The following STAG1 variants were observed in gnomAD, a reference collection of about 807,000 sequenced individuals.
STAG1 encodes the protein STAG1 cohesin complex component, also known as cohesin subunit SA-1.
Under a neutral mutation model 170.9 loss-of-function variants are expected in STAG1, and 26 were observed. The observed-to-expected ratio is 0.15, with a 90% CI of 0.11 to 0.21. The LOEUF (loss-of-function observed/expected upper bound fraction) is 0.21, where lower values mean the gene tolerates loss of function less well. STAG1 is among the 10% of genes least tolerant of loss of function. The pLI is 1.00. For missense variants in STAG1, 964 were observed against 1,509.5 expected, an observed-to-expected ratio of 0.64 and a Z score of 5.99; for synonymous variants, 514 against 497.7, an observed-to-expected ratio of 1.03 and a Z score of -0.44.
chr3:136,684,733 G>A (rs773672568), intron 1 of STAG1, among the ~76,000 whole-genome samples: 2 of 138,190 alleles, frequency 1.4e-5, no homozygotes, highest in South Asian at 2.2e-4. Context: ...CCAAGATCAC[G>A]ACACTGTACT....
chr3:136,495,140 G>C (rs1933012434), intron 9 of STAG1, among the ~76,000 whole-genome samples: 1 of 152,140 alleles, frequency 6.6e-6, no homozygotes, highest in Admixed American at 6.6e-5. Context: ...ATAAAACCTT[G>C]TGTTTATGGT....
At chr3:136,438,270 C>T (rs1163239073) in intron 15 of STAG1, among the ~76,000 whole-genome samples, 1 of 129,114 alleles carries the variant, frequency 7.7e-6, no homozygotes, top group East Asian at 2.6e-4. Context: ...GATGGAGTCT[C>T]GCTCTATTGC....
intron 5 of STAG1, among the ~76,000 whole-genome samples, chr3:136,550,369 G>A (rs1456093173): frequency 6.0e-5 from 9 of 150,852 alleles, no homozygotes; most frequent in Admixed American, 5.3e-4. Flanking sequence ...GTACAGTGGC[G>A]CGATCTTGGC....
chr3:136,391,892 C>T (rs1353121570), intron 22 of STAG1, among the ~76,000 whole-genome samples: 1 of 152,168 alleles, frequency 6.6e-6, no homozygotes, highest in African/African-American at 2.4e-5. Context: ...CAGAGGAAAA[C>T]CTATTGGTGA....
chr3:136,505,038 C>T (rs1278625777), intron 7 of STAG1, among the ~76,000 whole-genome samples: 1 of 152,092 alleles, frequency 6.6e-6, no homozygotes, highest in African/African-American at 2.4e-5. Context: ...CATTGAATAA[C>T]ACATAAACAG....
intron 14 of STAG1, among the ~76,000 whole-genome samples, chr3:136,446,364 A>G (rs973090161): frequency 6.6e-6 from 1 of 152,006 alleles, no homozygotes; most frequent in African/African-American, 2.4e-5. Context: ...TATAGAGTCT[A>G]TTAGGCAGTA....
At chr3:136,468,416 A>T in intron 12 of STAG1, among the ~76,000 whole-genome samples, 1 of 152,218 alleles carries the variant, frequency 6.6e-6, no homozygotes, top group Non-Finnish European at 1.5e-5. Flanking sequence ...GAAGAAATGG[A>T]TACATTCCTG....
At chr3:136,346,442 A>G (rs1370355801) in intron 29 of STAG1, among the ~76,000 whole-genome samples, 1 of 152,180 alleles carries the variant, frequency 6.6e-6, no homozygotes, top group African/African-American at 2.4e-5. Context: ...TGTGCATGCA[A>G]CCCATCTTAG....
intron 5 of STAG1, among the ~76,000 whole-genome samples, chr3:136,555,984 T>C (rs930039957): frequency 6.6e-6 from 1 of 152,112 alleles, no homozygotes; most frequent in Admixed American, 6.5e-5. Flanking sequence ...AGCAAGATAC[T>C]AGCAAACCAA....
At chr3:136,697,504 C>G (rs1942933807) in intron 1 of STAG1, among the ~76,000 whole-genome samples, 1 of 152,142 alleles carries the variant, frequency 6.6e-6, no homozygotes, top group African/African-American at 2.4e-5. Context: ...CAGCCACCAG[C>G]ATTTTTTTTA....
At chr3:136,489,319 A>G (rs943021337) in intron 9 of STAG1, among the ~76,000 whole-genome samples, 2 of 152,204 alleles carry the variant, frequency 1.3e-5, no homozygotes, top group Non-Finnish European at 2.9e-5. Context: ...TTCTCAGCAG[A>G]TGGAAGTTTA....
intron 22 of STAG1, among the ~76,000 whole-genome samples, chr3:136,390,418 G>C (rs1311957054): frequency 6.6e-6 from 1 of 152,122 alleles, no homozygotes; most frequent in Non-Finnish European, 1.5e-5. Flanking sequence ...ACATGAAATG[G>C]ATATTAAACA....
chr3:136,664,478 T>TAC lies in STAG1; in HGVS notation c.-83-33499_-83-33498dup, dbSNP rs561970950. ...GCATGATTATTTTAGCAATTGGGGG[T>TAC]ACCTAGAAGCCTGCCACCTAGTCAA... On this transcript the variant is annotated intron_variant, in intron 1 of 33. Transcript: ENST00000383202. Among the ~76,000 whole-genome samples the TAC allele has an allele frequency of 4.9e-4, 75 of 152,192 alleles. 1 individual carries two copies. Among genetic ancestry groups the TAC allele is most frequent in the African/African-American group, 1.3e-3 (54 of 41,528 alleles).
At chr3:136,568,284 T>C (rs1319128114) in intron 5 of STAG1, among the ~76,000 whole-genome samples, 1 of 152,164 alleles carries the variant, frequency 6.6e-6, no homozygotes, top group African/African-American at 2.4e-5. Flanking sequence ...AAAATTACAC[T>C]TTAACAAACT....
At chr3:136,723,038 G>A (rs1337187186) in intron 1 of STAG1, among the ~76,000 whole-genome samples, 3 of 152,206 alleles carry the variant, frequency 2.0e-5, no homozygotes, top group South Asian at 2.1e-4. Context: ...ATCTCCGCTC[G>A]CTACAACCTC....
In STAG1 at chr3:136,751,907, T is replaced by C. The variant is rs559733573; in HGVS notation, c.-84+288A>G. Among the ~76,000 whole-genome samples the C allele has an allele frequency of 4.9e-3, 738 of 150,778 alleles. 7 individuals carry two copies. Among genetic ancestry groups the C allele is most frequent in the African/African-American group, 0.017 (718 of 41,336 alleles). ...GCCCGGGCGGGCGGGGGCAAAATTT[T>C]TGGTGCCCGCGGGAGGGGTGGCAAG... is the stretch of plus-strand genomic sequence containing the variant. On this transcript the variant is annotated intron_variant, in intron 1 of 33. Coordinates refer to ENST00000383202, the MANE Select transcript of STAG1 (RefSeq NM_005862.3).
At chr3:136,599,023 G>A (rs1326542386) in intron 4 of STAG1, among the ~76,000 whole-genome samples, 20 of 152,050 alleles carry the variant, frequency 1.3e-4, no homozygotes, top group Admixed American at 1.2e-3. Context: ...ATCTAAGACC[G>A]TGATTCCTCA....
At chr3:136,654,568 G>A (rs111267717) in intron 1 of STAG1, among the ~76,000 whole-genome samples, 179 of 152,258 alleles carry the variant, frequency 1.2e-3, no homozygotes, top group African/African-American at 2.5e-3. Context: ...AAAGCAGTCT[G>A]CAGATTCAAT....
At chr3:136,539,690 T>C (rs1329022010) in intron 6 of STAG1, among the ~76,000 whole-genome samples, 4 of 152,216 alleles carry the variant, frequency 2.6e-5, no homozygotes, top group Non-Finnish European at 4.4e-5. Flanking sequence ...GAACAGCCCA[T>C]AGATTGCTCT....
Sources: gnomAD v4.1 joint callset for allele counts (sites outside exome capture counted in the v4.1 genomes callset) on GRCh38, gnomAD v4.1.1 for gene constraint, MANE v1.5 for transcripts, NCBI Gene and HGNC (gene_info 2026-07-23, HGNC 2026-07-21) for gene names.